The following CSGALNACT1 variants were observed in gnomAD, a reference collection of about 807,000 sequenced individuals.
CSGALNACT1 encodes chondroitin sulfate N-acetylgalactosaminyltransferase 1, also known as beta4GalNAcT-1.
In CSGALNACT1, 52 loss-of-function variants were observed where a neutral mutation model predicts 51.0. The ratio of observed to expected loss-of-function variants is 1.02; its 90% CI spans 0.82 to 1.29. The LOEUF (loss-of-function observed/expected upper bound fraction) is 1.29. Ranked by LOEUF, CSGALNACT1 falls within the 50% of genes most tolerant of loss-of-function variation. CSGALNACT1 has a pLI of 0.00. For synonymous variants in CSGALNACT1, 341 were observed against 254.4 expected (o/e 1.34, Z -3.24); for missense variants, 935 against 679.2 (o/e 1.38, Z -4.19).
chr8:19,427,081 T>A (rs2058884325), intron 6 of CSGALNACT1, among the ~76,000 whole-genome samples: 1 of 152,216 alleles, frequency 6.6e-6, no homozygotes, highest in South Asian at 2.1e-4. Context: ...ATCATCCAAT[T>A]TTTCATAGTA....
intron 7 of CSGALNACT1, among the ~76,000 whole-genome samples, chr8:19,419,994 T>C (rs1372149346): frequency 6.6e-6 from 1 of 152,220 alleles, no homozygotes; most frequent in Non-Finnish European, 1.5e-5. Flanking sequence ...AGAGATTTGA[T>C]GGTTTTGTAC....
intron 1 of CSGALNACT1, among the ~76,000 whole-genome samples, chr8:19,714,593 T>A (rs1289043492): frequency 1.3e-5 from 2 of 152,174 alleles, no homozygotes; most frequent in Non-Finnish European, 2.9e-5. Flanking sequence ...TGTTTTAGTT[T>A]GGGTAATTTC....
At chr8:19,579,382 G>C (rs1209241843) in intron 3 of CSGALNACT1, among the ~76,000 whole-genome samples, 2 of 152,146 alleles carry the variant, frequency 1.3e-5, no homozygotes, top group African/African-American at 4.8e-5. Flanking sequence ...GAAGGCTCTG[G>C]GTAATTGCTT....
rs532412401 is a variant in CSGALNACT1, at chr8:19,496,990, G to A, written c.634+8211C>T. Among the ~76,000 whole-genome samples the A allele has an allele frequency of 5.9e-5, 9 of 152,146 alleles. No homozygotes were observed. The East Asian group carries it at 7.8e-4, about 13-fold the overall frequency. On this transcript the variant is annotated intron_variant, in intron 4 of 9. Coordinates refer to ENST00000454498, the Ensembl canonical transcript of CSGALNACT1. ...ACTCTTCCCGGACCCTCCCCCTCCC[G>A]CCTCCCCTCTATGGAGCAAAAACCT...
At chr8:19,557,425 T>C (rs1308812469) in intron 3 of CSGALNACT1, among the ~76,000 whole-genome samples, 1 of 152,144 alleles carries the variant, frequency 6.6e-6, no homozygotes, top group African/African-American at 2.4e-5. Context: ...TCCCATTCAA[T>C]ACATCCCAAA....
intron 1 of CSGALNACT1, among the ~76,000 whole-genome samples, chr8:19,613,693 A>T (rs1176933270): frequency 6.6e-6 from 1 of 152,244 alleles, no homozygotes; most frequent in South Asian, 2.1e-4. Flanking sequence ...TTAAGACCAT[A>T]ATCAGCCCCT....
chr8:19,747,834 A>T lies in CSGALNACT1; in HGVS notation c.-297+10016T>A, dbSNP rs139402936. 3.5e-3 allele frequency among the ~76,000 whole-genome samples: 527 copies of T among 152,298 alleles called. 6 individuals carry two copies. The highest frequency in any genetic ancestry group is 0.012 in the African/African-American group (495 of 41,552). On this transcript the variant is annotated intron_variant, in intron 1 of 1. Coordinates refer to the CSGALNACT1 transcript ENST00000517494. ...AGAAGTAAAAAAAAAAAGAAAAGAA[A>T]AAAAGAAAGATAAAGACTCAAACTC...
chr8:19,697,487 C>T (rs2061642846), intron 1 of CSGALNACT1, among the ~76,000 whole-genome samples: 1 of 152,116 alleles, frequency 6.6e-6, no homozygotes, highest in South Asian at 2.1e-4. Flanking sequence ...CTGGCCACTA[C>T]CCTTGTAAGA....
chr8:19,684,334 A>G (rs932402364), upstream of CSGALNACT1, among the ~76,000 whole-genome samples: 7 of 152,310 alleles, frequency 4.6e-5, no homozygotes, highest in African/African-American at 1.4e-4. Context: ...TCATTGACAA[A>G]GGTATTGAAG....
At chr8:19,755,063 T>A (rs748086720) in intron 1 of CSGALNACT1, among the ~76,000 whole-genome samples, 21 of 152,278 alleles carry the variant, frequency 1.4e-4, no homozygotes, top group South Asian at 6.2e-4. Context: ...CAACAAATAT[T>A]TATTTAGTCC....
In CSGALNACT1 at chr8:19,421,426, G is replaced by A. The variant is rs183339356; in HGVS notation, c.954-908C>T. Among the ~76,000 whole-genome samples, 12 of 152,302 alleles carry A rather than the reference G, an allele frequency of 7.9e-5. No homozygotes were observed. In the South Asian group the frequency reaches 2.1e-3, roughly 26 times the overall value. The stretch of plus-strand genomic sequence containing the variant: ...AATTCATTCCATGCCCAGTGGGACA[G>A]GTATTGTCTTCTACCAGATAATACT... On this transcript the variant is annotated intron_variant, in intron 6 of 9. Coordinates refer to ENST00000454498, the Ensembl canonical transcript of CSGALNACT1.
At chr8:19,678,501 G>C (rs1431351401) in intron 1 of CSGALNACT1, 2 of 152,156 alleles carry the variant, frequency 1.3e-5, no homozygotes, top group African/African-American at 4.8e-5. Context: ...ATGCAAGTCA[G>C]GCACGTAATA....
chr8:19,641,166 T>C (rs1589217556), intron 1 of CSGALNACT1, among the ~76,000 whole-genome samples: 2 of 123,422 alleles, frequency 1.6e-5, no homozygotes, highest in African/African-American at 6.1e-5. Context: ...AAACCAACCC[T>C]CTCTCTCCCC....
chr8:19,516,789 C>CATGATGGG (rs2079609199), intron 3 of CSGALNACT1, among the ~76,000 whole-genome samples: 1 of 152,246 alleles, frequency 6.6e-6, no homozygotes, highest in Non-Finnish European at 1.5e-5. Flanking sequence ...CTTAGGCTTC[C>CATGATGGG]ATGATGGGAG....
chr8:19,657,494 C>T (rs2058387791), intron 1 of CSGALNACT1, among the ~76,000 whole-genome samples: 1 of 152,140 alleles, frequency 6.6e-6, no homozygotes, highest in South Asian at 2.1e-4. Context: ...ATATCATAGA[C>T]ACCACAGAAC....
chr8:19,608,742 G>C (rs1374201755), intron 1 of CSGALNACT1, among the ~76,000 whole-genome samples: 2 of 152,170 alleles, frequency 1.3e-5, no homozygotes, highest in Non-Finnish European at 1.5e-5. Context: ...CCAAGTCTCT[G>C]TATTTCTGGC....
intron 4 of CSGALNACT1, among the ~76,000 whole-genome samples, chr8:19,474,163 G>A (rs143349326): frequency 9.9e-4 from 151 of 152,194 alleles, no homozygotes; most frequent in Middle Eastern, 6.8e-3. Context: ...CTAAACAGGT[G>A]CTATAACAAA....
chr8:19,539,959 C>T (rs1238830163), intron 3 of CSGALNACT1, among the ~76,000 whole-genome samples: 1 of 152,138 alleles, frequency 6.6e-6, no homozygotes, highest in Non-Finnish European at 1.5e-5. Flanking sequence ...CTCCATCAGA[C>T]TCCTCCCTCT....
At chr8:19,574,625 C>A (rs762299766) in intron 3 of CSGALNACT1, among the ~76,000 whole-genome samples, 1 of 152,160 alleles carries the variant, frequency 6.6e-6, no homozygotes, top group Non-Finnish European at 1.5e-5. Context: ...GTTCAGGAGT[C>A]CGACCCTGGC....
Sources: allele counts gnomAD v4.1 joint callset (sites outside exome capture counted in the v4.1 genomes callset), GRCh38; gene constraint gnomAD v4.1.1; transcripts MANE v1.5; gene names NCBI Gene and HGNC (gene_info 2026-07-23, HGNC 2026-07-21).